The following CNTN4 variants were observed in gnomAD, a reference collection of about 807,000 sequenced individuals.
CNTN4 encodes contactin 4, also known as contactin-4.
A neutral mutation model predicts 122.5 loss-of-function variants in CNTN4; 77 were observed. That is an observed-to-expected ratio of 0.63 (90% CI 0.52 to 0.76). CNTN4 has a LOEUF of 0.76. CNTN4 is among the 30% of genes least tolerant of loss of function. The probability of loss-of-function intolerance (pLI) is 0.00; values close to 1 mark genes in which losing one functional copy is unlikely to be tolerated. For missense variants in CNTN4, 1,256 were observed against 1,259.1 expected, an observed-to-expected ratio of 1.00 and a Z score of 0.04; for synonymous variants, 512 against 447.0, an observed-to-expected ratio of 1.15 and a Z score of -1.83.
chr3:2,798,820 T>C (rs1007752084), intron 6 of CNTN4, among the ~76,000 whole-genome samples: 2 of 152,178 alleles, frequency 1.3e-5, no homozygotes, highest in African/African-American at 4.8e-5. Flanking sequence ...TGGTATCCTT[T>C]TGATATAATG....
rs183649747 is a variant in CNTN4 at position 2,503,256 on chromosome 3, G to A, written c.-88-68160G>A. ...ATAGTTATTACCAGATAGATGGCTG[G>A]ATAGGATTGAGGGATGCATAGATGG... On this transcript the variant is annotated intron_variant, in intron 3 of 24. Coordinates refer to ENST00000418658, the MANE Select transcript of CNTN4 (RefSeq NM_175607.3). 2.8e-3 allele frequency among the ~76,000 whole-genome samples: 419 copies of A among 152,228 alleles called. 2 individuals are homozygous for A. Among genetic ancestry groups the A allele is most frequent in the African/African-American group, 9.6e-3 (401 of 41,568 alleles).
intron 2 of CNTN4, among the ~76,000 whole-genome samples, chr3:2,287,632 GAGAAGAAGA>G (rs1210971247): frequency 1.4e-3 from 68 of 49,494 alleles, no homozygotes; most frequent in African/African-American, 4.5e-3. Flanking sequence ...GAAGGAGAAG[GAGAAGAAGA>G]AGAAGAAGAA....
intron 4 of CNTN4, among the ~76,000 whole-genome samples, chr3:2,712,150 A>G (rs933869713): frequency 2.6e-5 from 4 of 152,198 alleles, no homozygotes; most frequent in Non-Finnish European, 5.9e-5. Context: ...AAAACTTGAA[A>G]TAAAATTGTA....
At chr3:2,936,536 C>T (rs1212420799) in intron 13 of CNTN4, among the ~76,000 whole-genome samples, 1 of 152,168 alleles carries the variant, frequency 6.6e-6, no homozygotes, top group African/African-American at 2.4e-5. Flanking sequence ...CTATATGCTA[C>T]TCAGGCTCCT....
Position 2,584,944 on chromosome 3 carries a change from G to C in CNTN4, c.55+13386G>C, listed in dbSNP as rs192277055. Among the ~76,000 whole-genome samples the C allele has an allele frequency of 3.7e-3, 569 of 152,054 alleles. 5 individuals are homozygous for C. The highest frequency in any genetic ancestry group is 0.013 in the African/African-American group (538 of 41,480). On this transcript the variant is annotated intron_variant, in intron 4 of 24. Coordinates refer to ENST00000418658, the MANE Select transcript of CNTN4 (RefSeq NM_175607.3). ...AGATAGATAGATAGATAGATAGATA[G>C]ACAGAAAAAAATGTATATAAGCACT...
chr3:2,305,029 C>T lies in CNTN4; in HGVS notation c.-144-34149C>T, dbSNP rs145564867. Among the ~76,000 whole-genome samples, 4 of 151,854 alleles carry T rather than the reference C, an allele frequency of 2.6e-5. No individual in the cohort carries two copies. In the East Asian group the frequency reaches 7.8e-4, roughly 30 times the overall value. ...GTGTTAAAAAGTGATTTTTCACTTC[C>T]TATGGCAAGCAGAATTCACTTATAG... On this transcript the variant is annotated intron_variant, in intron 2 of 24. Transcript: ENST00000418658.
intron 3 of CNTN4, among the ~76,000 whole-genome samples, chr3:2,354,995 C>A (rs1352768366): frequency 6.6e-6 from 1 of 152,204 alleles, no homozygotes; most frequent in Non-Finnish European, 1.5e-5. Flanking sequence ...TGAGTCATAG[C>A]CTCCCAGTGG....
In CNTN4 at chr3:2,307,574, A is replaced by C. The variant is rs2042762536; in HGVS notation, c.-144-31604A>C. Reference sequence around the variant, plus strand: ...GCAGGTGCCCTTTTTTAGGTTTAGGATCTTCCTTCCAAGGATTTTCCTTTC... The same window carrying C: ...GCAGGTGCCCTTTTTTAGGTTTAGGCTCTTCCTTCCAAGGATTTTCCTTTC... On this transcript the variant is annotated intron_variant, in intron 2 of 24. Transcript: ENST00000418658. Among the ~76,000 whole-genome samples the C allele has an allele frequency of 2.6e-5, 4 of 151,832 alleles. 1 individual carries two copies. In the South Asian group the frequency reaches 8.3e-4, roughly 32 times the overall value.
intron 3 of CNTN4, among the ~76,000 whole-genome samples, chr3:2,353,533 G>C (rs560564238): frequency 3.9e-5 from 6 of 152,250 alleles, no homozygotes; most frequent in Non-Finnish European, 5.9e-5. Context: ...CAGTCACCGG[G>C]AAGGTCTGCA....
intron 2 of CNTN4, among the ~76,000 whole-genome samples, chr3:2,308,646 C>T (rs2042804947): frequency 6.6e-6 from 1 of 151,924 alleles, no homozygotes; most frequent in African/African-American, 2.4e-5. Context: ...TTCTTGACCC[C>T]TTGGTTATTT....
At chr3:2,952,445 A>G (rs939459643) in intron 13 of CNTN4, among the ~76,000 whole-genome samples, 1 of 152,196 alleles carries the variant, frequency 6.6e-6, no homozygotes, top group Non-Finnish European at 1.5e-5. Flanking sequence ...CTCAGATTTC[A>G]TTAGATGGGA....
chr3:2,876,276 A>G (rs1369841495), intron 8 of CNTN4, among the ~76,000 whole-genome samples: 1 of 152,212 alleles, frequency 6.6e-6, no homozygotes, highest in Non-Finnish European at 1.5e-5. Flanking sequence ...ACAGTCCACT[A>G]GACTACATAT....
chr3:3,047,238 G>C (rs1407876793), intron 23 of CNTN4, among the ~76,000 whole-genome samples: 2 of 151,924 alleles, frequency 1.3e-5, no homozygotes, highest in Non-Finnish European at 2.9e-5. Flanking sequence ...AGTTAACAAG[G>C]ATATCCAGGA....
rs143572061 is a variant in CNTN4, at chr3:2,427,589, C to T, written c.-89+88356C>T. On this transcript the variant is annotated intron_variant, in intron 3 of 24. Transcript: ENST00000418658. The stretch of plus-strand genomic sequence containing the variant: ...GAGTTCTGTAGATGTCTATTAGGTC[C>T]GCTTGGTGCAGAGCCGAGTTCAATT... 1.9e-3 allele frequency among the ~76,000 whole-genome samples: 294 copies of T among 152,116 alleles called. 2 individuals are homozygous for T. Among genetic ancestry groups the T allele is most frequent in the African/African-American group, 5.5e-3 (229 of 41,500 alleles).
chr3:2,517,321 T>C (rs1250263159), intron 3 of CNTN4, among the ~76,000 whole-genome samples: 3 of 152,116 alleles, frequency 2.0e-5, no homozygotes, highest in Non-Finnish European at 4.4e-5. Context: ...TAAATATGTA[T>C]TTATGGAAAC....
chr3:2,819,492 A>G lies in CNTN4; in HGVS notation c.365A>G (p.Asp122Gly). 1 of 1,613,586 alleles carries G rather than the reference A, an allele frequency of 6.2e-7. No individual in the cohort carries two copies. Residue 122 changes from aspartate (D) to glycine (G), a missense_variant, in exon 7 of 25, where the codon GAC (aspartate) becomes GGC (glycine). Asp to Gly is a moderately conservative substitution (Grantham distance 94). Coordinates refer to ENST00000418658, the MANE Select transcript of CNTN4 (RefSeq NM_175607.3). ...REAKLQFAYL[D>G]NFKTRTRSTV... ...CCCATATTTCTCCCAACAGATCTTGACAACTTTAAAACAAGAACAAGAAGC... is the reference window on the plus strand; with the variant it reads ...CCCATATTTCTCCCAACAGATCTTGGCAACTTTAAAACAAGAACAAGAAGC...
intron 13 of CNTN4, among the ~76,000 whole-genome samples, chr3:2,932,173 C>T (rs1308920695): frequency 2.0e-5 from 3 of 151,988 alleles, no homozygotes; most frequent in Non-Finnish European, 4.4e-5. Context: ...GTCAGGAGAT[C>T]GAGACCATCC....
chr3:2,537,074 A>T (rs1247154757), intron 3 of CNTN4, among the ~76,000 whole-genome samples: 2 of 152,162 alleles, frequency 1.3e-5, no homozygotes, highest in Non-Finnish European at 2.9e-5. Flanking sequence ...GTGCTACTGC[A>T]GTATACGAAA....
At chr3:2,205,235 GT>G (rs980063961) in intron 2 of CNTN4, among the ~76,000 whole-genome samples, 19 of 150,354 alleles carry the variant, frequency 1.3e-4, no homozygotes, top group Middle Eastern at 3.4e-3. Context: ...ATAATAAAAA[GT>G]TTTTTTATTT....
Sources: gnomAD v4.1 joint callset for allele counts (sites outside exome capture counted in the v4.1 genomes callset) on GRCh38, gnomAD v4.1.1 for gene constraint, MANE v1.5 for transcripts, NCBI Gene and HGNC (gene_info 2026-07-23, HGNC 2026-07-21) for gene names.